C2CD4D: variants seen among roughly 807,000 people sequenced by gnomAD.
C2CD4D encodes the protein C2 calcium-dependent domain-containing protein 4D.
In C2CD4D, 1 loss-of-function variant was observed where a neutral mutation model predicts 0.2. The observed-to-expected ratio is 4.00, with a 90% CI of 1.42 to 18.99. The LOEUF (loss-of-function observed/expected upper bound fraction) is 18.99, where lower values mean the gene tolerates loss of function less well. Among genes scored for constraint, C2CD4D ranks in the 30% most tolerant of loss-of-function variants. C2CD4D has a pLI of 0.11. For synonymous variants in C2CD4D, 269 were observed against 279.8 expected (o/e 0.96, Z 0.39); for missense variants, 552 against 551.2 (o/e 1.00, Z -0.01).
chr1:151,838,255 G>A, exon 2 of C2CD4D: 2 of 1,337,238 alleles, frequency 1.5e-6, no homozygotes, highest in Non-Finnish European at 1.9e-6. Context: ...ACCGCGGCCG[G>A]GGCAGGCCCT....
Position 151,838,397 on chromosome 1 carries a change from TC to T in C2CD4D, c.592del (p.Asp198ThrfsTer41). 6.9e-7 allele frequency: 1 copy of T among 1,439,952 alleles called. No individual in the cohort carries two copies. Among genetic ancestry groups the T allele is most frequent in the Non-Finnish European group, 9.1e-7 (1 of 1,097,874 alleles). 89.2% of individuals were successfully genotyped at this position (1,439,952 alleles called of 1,614,324 possible). ...GGGCCGCAGCTGGCAGCACAGGAAG[TC>T]CAGGTGGAAGAGCGGCGGCGTGGGC... On this transcript the variant is annotated frameshift_variant, in exon 2 of 2. Transcript: ENST00000454109. LOFTEE classifies it low-confidence loss of function (END_TRUNC).
At chr1:151,838,993 GT>G in exon 2 of C2CD4D, 3 of 1,549,670 alleles carry the variant, frequency 1.9e-6, no homozygotes, top group Non-Finnish European at 2.6e-6. Context: ...GCCACATGCG[GT>G]GGGTGGGGTA....
chr1:151,838,727 C>A (rs1164168956), exon 2 of C2CD4D: 1 of 1,339,662 alleles, frequency 7.5e-7, no homozygotes. Flanking sequence ...CCAGCCTTCG[C>A]GGCCCGCCAG....
exon 2 of C2CD4D, chr1:151,838,549 G>A: frequency 7.6e-7 from 1 of 1,323,572 alleles, no homozygotes; most frequent in South Asian, 2.1e-5. Flanking sequence ...AGGGCGACGA[G>A]TCCGGCGACG....
At chr1:151,838,666 G>A in exon 2 of C2CD4D, 6 of 1,367,872 alleles carry the variant, frequency 4.4e-6, no homozygotes, top group South Asian at 1.7e-5. Context: ...GTGGCGGCCC[G>A]TGGAACAGGG....
exon 2 of C2CD4D, chr1:151,838,025 A>G (rs2101687009): frequency 1.3e-6 from 2 of 1,551,492 alleles, no homozygotes; most frequent in South Asian, 1.2e-5. Context: ...GCACTCCCCC[A>G]GCAGCACATC....
At position 151,838,360 on chromosome 1, in the gene C2CD4D, G is replaced by C; in HGVS notation, c.630C>G (p.Ser210Arg). The C allele has an allele frequency of 6.3e-6, 9 of 1,429,612 alleles. No homozygotes were observed. The highest frequency in any genetic ancestry group is 8.3e-6 in the Non-Finnish European group (9 of 1,089,258). The allele number at this position is 1,429,612 out of a possible 1,614,324, so 88.6% of individuals were successfully genotyped here. ...CGCCGCGGGGCCCCAGGCGCAGCAC[G>C]CTCTCGCGCGTGGGCCGCAGCTGGC... Residue 210 changes from serine to arginine, a missense_variant, in exon 2 of 2, where the codon AGC becomes AGG. Transcript: ENST00000454109.
exon 2 of C2CD4D, chr1:151,839,161 C>G (rs375049813): frequency 9.3e-6 from 6 of 648,506 alleles, no homozygotes; most frequent in East Asian, 6.7e-5. Flanking sequence ...GTCTCCGGAC[C>G]CACTGGGAGC....
exon 2 of C2CD4D, chr1:151,838,593 G>A: frequency 1.5e-6 from 2 of 1,314,962 alleles, no homozygotes; most frequent in South Asian, 2.1e-5. Context: ...CGGCAGAGGC[G>A]CAGGTCCGGG....
exon 2 of C2CD4D, chr1:151,838,621 G>A: frequency 4.6e-6 from 6 of 1,317,812 alleles, no homozygotes; most frequent in Non-Finnish European, 5.8e-6. Flanking sequence ...CGTGCAGCCG[G>A]GACTGCGCCG....
At chr1:151,838,495 C>T (rs1180468537) in exon 2 of C2CD4D, 7 of 1,383,280 alleles carry the variant, frequency 5.1e-6, no homozygotes, top group Non-Finnish European at 6.5e-6. Context: ...GAGAGTGAGG[C>T]CTGGACACCC....
chr1:151,838,951 G>T (rs1171142211), exon 2 of C2CD4D: 2 of 1,550,172 alleles, frequency 1.3e-6, no homozygotes, highest in African/African-American at 2.7e-5. Flanking sequence ...CAGGCTCCGC[G>T]GCCCCCACCT....
chr1:151,839,325 T>G, intron 1 of C2CD4D, 105 bp from the exon 2 acceptor site: 3 of 368,440 alleles, frequency 8.1e-6, no homozygotes, highest in East Asian at 6.1e-5. Context: ...AGATGCCCCA[T>G]TCACCTTACA....
At chr1:151,839,345 C>T in intron 1 of C2CD4D, 125 bp from the exon 2 acceptor site, 1 of 302,756 alleles carries the variant, frequency 3.3e-6, no homozygotes, top group Non-Finnish European at 6.2e-6. Flanking sequence ...AGTTAGAGGG[C>T]CCATATAGTA....
At chr1:151,837,964 G>A (rs1160637389) in exon 2 of C2CD4D, 4 of 1,547,162 alleles carry the variant, frequency 2.6e-6, no homozygotes, top group Non-Finnish European at 3.5e-6. Context: ...GGGATGACCC[G>A]GGACCTAGTC....
chr1:151,839,188 G>C (rs922868484), exon 2 of C2CD4D: 3 of 573,050 alleles, frequency 5.2e-6, no homozygotes, highest in Non-Finnish European at 9.1e-6. Context: ...CCCTATTTGA[G>C]CAGAAAAAGA....
At chr1:151,838,212 C>T in exon 2 of C2CD4D, 1 of 1,486,928 alleles carries the variant, frequency 6.7e-7, no homozygotes, top group Non-Finnish European at 9.0e-7. Context: ...CTCAGCACCA[C>T]ACAGCAGCCG....
exon 2 of C2CD4D, chr1:151,838,246 C>A: frequency 1.5e-6 from 2 of 1,365,182 alleles, no homozygotes; most frequent in Non-Finnish European, 1.9e-6. Context: ...CGGGGCGGGA[C>A]CGCGGCCGGG....
chr1:151,838,604 G>A (rs1037125976), exon 2 of C2CD4D: 1 of 1,315,158 alleles, frequency 7.6e-7, no homozygotes, highest in Non-Finnish European at 9.6e-7. Context: ...CAGGTCCGGG[G>A]CGGAGACGTG....
Sources: allele counts gnomAD v4.1 joint callset, GRCh38; gene constraint gnomAD v4.1.1; transcripts MANE v1.5; gene names NCBI Gene and HGNC (gene_info 2026-07-23, HGNC 2026-07-21).